The following HERC3 variants were observed in gnomAD, a reference collection of about 807,000 sequenced individuals.
HERC3 encodes the protein probable E3 ubiquitin-protein ligase HERC3.
HERC3 carries 58 observed loss-of-function variants against 129.9 expected under a neutral mutation model. The observed-to-expected ratio is 0.45, with a 90% CI of 0.36 to 0.56. The LOEUF is 0.56. Among genes scored for constraint, HERC3 ranks in the 20% least tolerant of loss-of-function variants. The probability of loss-of-function intolerance (pLI) is 0.00; values close to 1 mark genes in which losing one functional copy is unlikely to be tolerated. For synonymous variants in HERC3, 430 were observed against 451.0 expected (o/e 0.95, Z 0.59); for missense variants, 835 against 1,244.2 (o/e 0.67, Z 4.95).
chr4:88,668,133 G>A (rs750447343), intron 14 of HERC3, 52 bp downstream of exon 14: 20 of 1,407,642 alleles, frequency 1.4e-5, no homozygotes, highest in South Asian at 8.4e-5. Flanking sequence ...TGTTTTGTTG[G>A]TGTGACTCCT....
the HERC3 span, among the ~76,000 whole-genome samples, chr4:88,553,381 C>T: frequency 6.6e-6 from 1 of 152,144 alleles, no homozygotes; most frequent in Non-Finnish European, 1.5e-5. Flanking sequence ...TTGAAAGGGT[C>T]TCTGTTGCTT....
At chr4:88,645,533 A>T (rs959006758) in intron 3 of HERC3, among the ~76,000 whole-genome samples, 1 of 152,002 alleles carries the variant, frequency 6.6e-6, no homozygotes, top group Non-Finnish European at 1.5e-5. Context: ...TCTGCAGGGG[A>T]TGTGTTCCAA....
At chr4:88,539,120 G>A in the HERC3 span, among the ~76,000 whole-genome samples, 1 of 152,172 alleles carries the variant, frequency 6.6e-6, no homozygotes, top group Non-Finnish European at 1.5e-5. Context: ...GTGGGGCATC[G>A]CCTCACCTGG....
At chr4:88,635,636 T>G (rs1178394022) in intron 3 of HERC3, among the ~76,000 whole-genome samples, 1 of 152,070 alleles carries the variant, frequency 6.6e-6, no homozygotes, top group Admixed American at 6.5e-5. Context: ...ACATTCAAAT[T>G]AGGAAATACA....
chr4:88,554,065 C>T, the HERC3 span, among the ~76,000 whole-genome samples: 1 of 152,088 alleles, frequency 6.6e-6, no homozygotes, highest in Non-Finnish European at 1.5e-5. Context: ...AAAATGGTAT[C>T]AGCTGGGCGT....
At chr4:88,535,205 C>T in the HERC3 span, among the ~76,000 whole-genome samples, 2 of 152,194 alleles carry the variant, frequency 1.3e-5, no homozygotes, top group Admixed American at 6.5e-5. Flanking sequence ...GCCTGTCAGG[C>T]ATCTTTGACT....
the HERC3 span, among the ~76,000 whole-genome samples, chr4:88,537,923 C>G: frequency 6.6e-6 from 1 of 152,196 alleles, no homozygotes; most frequent in African/African-American, 2.4e-5. Context: ...TGACACTGTG[C>G]ATTTGGCTCA....
rs1560730008 is a variant in HERC3, at chr4:88,658,505, T to C, written c.1146+14T>C. The C allele has an allele frequency of 8.9e-6, 13 of 1,458,564 alleles. No individual in the cohort carries two copies. Among genetic ancestry groups the C allele is most frequent in the East Asian group, 2.3e-5 (1 of 43,904 alleles). The allele number at this position is 1,458,564 out of a possible 1,614,324, so 90.4% of individuals were successfully genotyped here. A position where few individuals can be genotyped will look rare whatever the true frequency, so the allele number is the denominator to read the frequency against. On this transcript the variant is annotated intron_variant, in intron 10 of 25. Coordinates refer to ENST00000402738, the MANE Select transcript of HERC3 (RefSeq NM_014606.3). ...TCCAAATACGAGGTAAAATTTTTCTTGTGACTCTTATTTCCAGGAAGGAAT... is the reference window on the plus strand; with the variant it reads ...TCCAAATACGAGGTAAAATTTTTCTCGTGACTCTTATTTCCAGGAAGGAAT...
the HERC3 span, among the ~76,000 whole-genome samples, chr4:88,551,530 A>G: frequency 1.9e-4 from 28 of 151,330 alleles, no homozygotes; most frequent in Admixed American, 1.4e-3. Flanking sequence ...GACACATGAA[A>G]AAATGCTCAT....
At chr4:88,656,056 A>G (rs2149279070) in intron 9 of HERC3, 21 bp downstream of exon 9, 11 of 1,611,614 alleles carry the variant, frequency 6.8e-6, no homozygotes, top group Non-Finnish European at 9.3e-6. Context: ...TTGTCTCTGG[A>G]ATTTAAAGGT....
At chr4:88,638,983 C>T (rs1223056985) in intron 3 of HERC3, among the ~76,000 whole-genome samples, 1 of 152,092 alleles carries the variant, frequency 6.6e-6, no homozygotes, top group East Asian at 1.9e-4. Flanking sequence ...AATGAACTCC[C>T]ATTCACAGTT....
At chr4:88,588,957 T>C (rs1343511377), upstream of HERC3, among the ~76,000 whole-genome samples, 2 of 152,138 alleles carry the variant, frequency 1.3e-5, no homozygotes, top group Admixed American at 6.5e-5. Context: ...TAATCCTTGC[T>C]CCTCGGGAGG....
At chr4:88,566,206 T>C in the HERC3 span, among the ~76,000 whole-genome samples, 88 of 152,304 alleles carry the variant, frequency 5.8e-4, no homozygotes, top group Admixed American at 3.2e-3. Context: ...AGCTTCCACT[T>C]ATAAGTCAGA....
the HERC3 span, among the ~76,000 whole-genome samples, chr4:88,551,352 C>T: frequency 3.7e-4 from 54 of 146,908 alleles, no homozygotes; most frequent in Admixed American, 1.2e-3. Context: ...AGGCAACCTA[C>T]AAAATGGGAG....
intron 23 of HERC3, chr4:88,697,708 G>T (rs372916585): frequency 2.2e-5 from 36 of 1,611,678 alleles, no homozygotes; most frequent in South Asian, 1.4e-4. Context: ...CGCCGCTGCC[G>T]CCGCCTGGCT....
chr4:88,706,692 G>C, intron 25 of HERC3, 60 bp from the exon 26 acceptor site: 1 of 1,391,158 alleles, frequency 7.2e-7, no homozygotes, highest in Non-Finnish European at 1.0e-6. Flanking sequence ...TTGCCAGAAG[G>C]ATCTCTGAGA....
the HERC3 span, among the ~76,000 whole-genome samples, chr4:88,540,893 G>A: frequency 6.6e-6 from 1 of 152,218 alleles, no homozygotes; most frequent in African/African-American, 2.4e-5. Context: ...GAAAAAGGCT[G>A]AGAGATTTTG....
chr4:88,680,051 A>G (rs760047422), intron 19 of HERC3, 42 bp from the exon 20 acceptor site: 1 of 1,561,582 alleles, frequency 6.4e-7, no homozygotes, highest in East Asian at 2.3e-5. Context: ...AAAATGTGTC[A>G]TAGATTTCCC....
At chr4:88,687,650 G>A (rs1211601330) in intron 23 of HERC3, among the ~76,000 whole-genome samples, 1 of 152,174 alleles carries the variant, frequency 6.6e-6, no homozygotes, top group Non-Finnish European at 1.5e-5. Flanking sequence ...ATAATTCACA[G>A]GAAAATACTT....
Sources: gnomAD v4.1 joint callset for allele counts (sites outside exome capture counted in the v4.1 genomes callset) on GRCh38, gnomAD v4.1.1 for gene constraint, MANE v1.5 for transcripts, NCBI Gene and HGNC (gene_info 2026-07-23, HGNC 2026-07-21) for gene names.